MYO5B: variants seen among roughly 807,000 people sequenced by gnomAD.
MYO5B encodes myosin VB.
A neutral mutation model predicts 229.3 loss-of-function variants in MYO5B; 143 were observed. The observed-to-expected ratio is 0.62, with a 90% CI of 0.54 to 0.72. The LOEUF (loss-of-function observed/expected upper bound fraction) is 0.72, where lower values mean the gene tolerates loss of function less well. MYO5B is among the 30% of genes least tolerant of loss of function. The pLI, the probability that MYO5B is intolerant of heterozygous loss-of-function variation, is 0.00. For missense variants in MYO5B, 2,321 were observed against 2,331.0 expected (o/e 1.00, Z 0.09); for synonymous variants, 918 against 885.2 (o/e 1.04, Z -0.66).
chr18:50,057,201 C>T (rs1218553122), intron 1 of MYO5B, among the ~76,000 whole-genome samples: 1 of 152,190 alleles, frequency 6.6e-6, no homozygotes, highest in African/African-American at 2.4e-5. Context: ...TGGCTTAAGT[C>T]CACCATCCAT....
chr18:50,003,164 A>G (rs142303473), intron 4 of MYO5B, among the ~76,000 whole-genome samples: 1,544 of 152,372 alleles, frequency 0.01, 14 homozygotes, highest in South Asian at 0.02. Flanking sequence ...CTTCAAGGTC[A>G]GCAAGAAGTG....
At chr18:49,968,926 G>A (rs1218271771) in intron 10 of MYO5B, among the ~76,000 whole-genome samples, 2 of 152,216 alleles carry the variant, frequency 1.3e-5, no homozygotes, top group Non-Finnish European at 2.9e-5. Flanking sequence ...AGCCTTGGAA[G>A]CACACAGTGG....
At chr18:49,930,659 G>A (rs762708537) in intron 16 of MYO5B, among the ~76,000 whole-genome samples, 1 of 152,132 alleles carries the variant, frequency 6.6e-6, no homozygotes, top group Non-Finnish European at 1.5e-5. Flanking sequence ...TTGGGAGGCC[G>A]AGGTGGGTGG....
At position 50,170,592 on chromosome 18, in the gene MYO5B, C is replaced by A. The variant is rs139887323; in HGVS notation, c.27+24175G>T. 7.9e-5 allele frequency among the ~76,000 whole-genome samples: 10 copies of A among 126,632 alleles called. 3 individuals carry two copies. Among genetic ancestry groups the A allele is most frequent in the Non-Finnish European group, 1.2e-4 (7 of 59,666 alleles). The allele number at this position is 126,632 out of a possible 152,430, so 83.1% of individuals were successfully genotyped here. ...CCACTATTTTGCTTTCTTCTCACTC[C>A]GAACAGTACTGTGGGGTGACTCCAG... On this transcript the variant is annotated intron_variant, in intron 1 of 39. Transcript: ENST00000285039.
chr18:50,166,454 C>A (rs923444693), intron 1 of MYO5B, among the ~76,000 whole-genome samples: 15 of 152,110 alleles, frequency 9.9e-5, no homozygotes, highest in Non-Finnish European at 2.1e-4. Flanking sequence ...TACAAAACAT[C>A]CATCATCCCA....
chr18:50,138,420 G>GT (rs972642670), intron 1 of MYO5B, among the ~76,000 whole-genome samples: 16 of 152,256 alleles, frequency 1.1e-4, no homozygotes, highest in African/African-American at 2.9e-4. Flanking sequence ...AATTTGGGGG[G>GT]GGTGGCAGGA....
At chr18:50,180,937 G>A (rs564643326) in intron 1 of MYO5B, among the ~76,000 whole-genome samples, 2 of 152,302 alleles carry the variant, frequency 1.3e-5, no homozygotes, top group East Asian at 3.9e-4. Context: ...AGTCAAAAGG[G>A]TGCTCCCTGC....
intron 38 of MYO5B, 127 bp downstream of exon 38, chr18:49,836,582 TTG>T: frequency 9.3e-7 from 1 of 1,074,962 alleles, no homozygotes; most frequent in East Asian, 2.4e-5. Context: ...CACTTCAAAA[TTG>T]TCTCATTAGG....
intron 1 of MYO5B, among the ~76,000 whole-genome samples, chr18:50,142,192 T>C (rs147225260): frequency 4.6e-5 from 7 of 152,348 alleles, no homozygotes; most frequent in Admixed American, 1.3e-4. Context: ...TTCTGCTCCA[T>C]GTTCATCATG....
At chr18:49,909,917 C>T (rs2024939352) in intron 18 of MYO5B, among the ~76,000 whole-genome samples, 1 of 152,128 alleles carries the variant, frequency 6.6e-6, no homozygotes, top group Non-Finnish European at 1.5e-5. Flanking sequence ...GTAGGCTCCC[C>T]CTGCGTATTA....
intron 1 of MYO5B, among the ~76,000 whole-genome samples, chr18:50,073,959 C>CCT (rs1292521721): frequency 1.3e-5 from 2 of 152,200 alleles, no homozygotes; most frequent in Non-Finnish European, 2.9e-5. Flanking sequence ...CCCCTCCTCT[C>CCT]CTAGACTGCT....
intron 22 of MYO5B, among the ~76,000 whole-genome samples, chr18:49,892,789 A>G (rs1046753862): frequency 6.6e-6 from 1 of 152,192 alleles, no homozygotes; most frequent in African/African-American, 2.4e-5. Flanking sequence ...TCCAGGAAAG[A>G]GGTGGACATG....
chr18:50,032,016 G>C (rs1361252276), intron 4 of MYO5B, among the ~76,000 whole-genome samples: 2 of 152,114 alleles, frequency 1.3e-5, no homozygotes, highest in Non-Finnish European at 2.9e-5. Context: ...ACTTTGTACT[G>C]TGTTAATAGA....
intron 1 of MYO5B, among the ~76,000 whole-genome samples, chr18:50,113,112 C>T (rs188461818): frequency 3.6e-4 from 55 of 152,262 alleles, no homozygotes; most frequent in African/African-American, 1.2e-3. Flanking sequence ...CCCGTCCCCA[C>T]CACCTACACT....
chr18:49,875,627 C>T, intron 26 of MYO5B, 60 bp downstream of exon 26: 2 of 1,610,858 alleles, frequency 1.2e-6, no homozygotes, highest in Non-Finnish European at 1.7e-6. Flanking sequence ...GCCCTGGACA[C>T]AAGAGCTAGA....
chr18:50,003,916 G>A (rs980455504), intron 4 of MYO5B, among the ~76,000 whole-genome samples: 1 of 152,186 alleles, frequency 6.6e-6, no homozygotes, highest in Non-Finnish European at 1.5e-5. Flanking sequence ...AGTGGAGGAG[G>A]GGAGATGGGT....
chr18:49,969,792 T>A (rs1184710539), intron 10 of MYO5B: 3 of 152,214 alleles, frequency 2.0e-5, no homozygotes, highest in Admixed American at 2.0e-4. Flanking sequence ...GGATATAAAA[T>A]CCCAGGAAAT....
chr18:49,847,708 T>C (rs975771498), intron 32 of MYO5B, among the ~76,000 whole-genome samples: 1 of 152,274 alleles, frequency 6.6e-6, no homozygotes, highest in African/African-American at 2.4e-5. Context: ...TGGGAAGTGC[T>C]TGGCCTCGGC....
At chr18:49,961,394 A>G (rs1345303871) in intron 12 of MYO5B, among the ~76,000 whole-genome samples, 1 of 152,236 alleles carries the variant, frequency 6.6e-6, no homozygotes, top group Non-Finnish European at 1.5e-5. Flanking sequence ...TCTGTCTTCT[A>G]CTGTTTCCCT....
Sources: allele counts gnomAD v4.1 joint callset (sites outside exome capture counted in the v4.1 genomes callset), GRCh38; gene constraint gnomAD v4.1.1; transcripts MANE v1.5; gene names NCBI Gene and HGNC (gene_info 2026-07-23, HGNC 2026-07-21).